The following ZFHX3 variants were observed in gnomAD, a reference collection of about 807,000 sequenced individuals.
ZFHX3 encodes the protein zinc finger homeobox protein 3.
Under a neutral mutation model 279.1 loss-of-function variants are expected in ZFHX3, and 42 were observed. That is an observed-to-expected ratio of 0.15 (90% confidence interval 0.12 to 0.19). The LOEUF (loss-of-function observed/expected upper bound fraction) is 0.19, where lower values mean the gene tolerates loss of function less well. Among genes scored for constraint, ZFHX3 ranks in the 10% least tolerant of loss-of-function variants. ZFHX3 has a pLI of 1.00. For synonymous variants in ZFHX3, 2,293 were observed against 1,957.8 expected, an observed-to-expected ratio of 1.17 and a Z score of -4.52; for missense variants, 4,981 against 4,754.0, an observed-to-expected ratio of 1.05 and a Z score of -1.40.
rs76501215 is a variant in ZFHX3 at position 73,747,687 on chromosome 16, T to C, written c.-1607-67447A>G. Among the ~76,000 whole-genome samples, 24 of 152,308 alleles carry C rather than the reference T, an allele frequency of 1.6e-4. No individual in the cohort carries two copies. The East Asian group carries it at 4.6e-3, about 29-fold the overall frequency. On this transcript the variant is annotated intron_variant, in intron 1 of 17. Transcript: ENST00000641206. Reference sequence around the variant, plus strand: ...TAAGTATAGGTATAGGTAATGTATGTATGTGTAGATATATACTTATTGTAT... The same window carrying C: ...TAAGTATAGGTATAGGTAATGTATGCATGTGTAGATATATACTTATTGTAT...
chr16:73,345,693 A>G lies in ZFHX3; in HGVS notation c.-1290-27357T>C, dbSNP rs573389602. 1.8e-4 allele frequency among the ~76,000 whole-genome samples: 28 copies of G among 152,268 alleles called. 1 individual carries two copies. In the South Asian group the frequency reaches 5.6e-3, roughly 30 times the overall value. ...CTTGGATATTGTGAGTAGTGCTGCA[A>G]TGAACATACAGTTGCATGTATCTCT... is the stretch of plus-strand genomic sequence containing the variant. On this transcript the variant is annotated intron_variant, in intron 3 of 17. Transcript: ENST00000641206.
In ZFHX3 at chr16:72,793,874, T is replaced by C; in HGVS notation, c.8808A>G (p.Lys2936=). Residue 2936 remains lysine (K), a synonymous_variant, in exon 9 of 10, where the codon AAA becomes AAG. Transcript: ENST00000268489. This position sits in a 1 kb window ranked among gnomAD's most constrained non-coding sequence, Gnocchi z 4.3. ...CAGGCCGATCTCCGCTGTCACCAGA[T>C]TTGCCTGCAGATCCACTCGCACCAG... ...PSPGASGSAG[K]SGDSGDRPGQ... 1 of 1,614,182 alleles carries C rather than the reference T, an allele frequency of 6.2e-7. No homozygotes were observed. The highest frequency in any genetic ancestry group is 8.5e-7 in the Non-Finnish European group (1 of 1,180,036).
chr16:73,516,015 T>G (rs1379575215), intron 2 of ZFHX3, among the ~76,000 whole-genome samples: 1 of 152,210 alleles, frequency 6.6e-6, no homozygotes, highest in East Asian at 1.9e-4. Context: ...TACATTTATA[T>G]TCAAAGACAG....
intron 5 of ZFHX3, among the ~76,000 whole-genome samples, chr16:73,205,913 G>C (rs2011779908): frequency 6.6e-6 from 1 of 152,158 alleles, no homozygotes; most frequent in Non-Finnish European, 1.5e-5. Flanking sequence ...ACATGATTAT[G>C]TATGCAAATG....
At chr16:72,814,652 A>G (rs2036554166) in intron 5 of ZFHX3, among the ~76,000 whole-genome samples, 1 of 151,062 alleles carries the variant, frequency 6.6e-6, no homozygotes, top group Non-Finnish European at 1.5e-5. Context: ...CTGGAATTCT[A>G]AAGCTTCTTT....
At chr16:72,956,110 G>C (rs1442931125) in intron 2 of ZFHX3, among the ~76,000 whole-genome samples, 1 of 152,156 alleles carries the variant, frequency 6.6e-6, no homozygotes, top group East Asian at 1.9e-4. Flanking sequence ...AAAGTACTAA[G>C]GATTAAAAAC....
chr16:72,866,542 G>T (rs1391746921), intron 4 of ZFHX3, among the ~76,000 whole-genome samples: 1 of 152,164 alleles, frequency 6.6e-6, no homozygotes, highest in Non-Finnish European at 1.5e-5. Context: ...CTTGACCAAG[G>T]TCACTAAGCT....
intron 1 of ZFHX3, among the ~76,000 whole-genome samples, chr16:73,037,652 T>G (rs1334339800): frequency 4.6e-5 from 7 of 151,902 alleles, no homozygotes; most frequent in Non-Finnish European, 7.4e-5. Context: ...TCCTGGAAAC[T>G]CTAGAATGCA....
At chr16:73,340,436 A>C (rs1256824055) in intron 3 of ZFHX3, among the ~76,000 whole-genome samples, 1 of 152,218 alleles carries the variant, frequency 6.6e-6, no homozygotes, top group African/African-American at 2.4e-5. Context: ...ATCATGGCTC[A>C]CCGCAGCCTT....
At chr16:73,336,950 C>T (rs1309874059) in intron 3 of ZFHX3, among the ~76,000 whole-genome samples, 1 of 152,092 alleles carries the variant, frequency 6.6e-6, no homozygotes, top group Admixed American at 6.5e-5. Context: ...CTTAATATCA[C>T]CCTCAGAAAG....
chr16:72,854,287 A>G (rs1335463224), intron 4 of ZFHX3, among the ~76,000 whole-genome samples: 2 of 152,222 alleles, frequency 1.3e-5, no homozygotes, highest in African/African-American at 2.4e-5. Context: ...GATTCGAGAC[A>G]GTGGTTAGCC....
In ZFHX3 at chr16:72,800,039, C is replaced by T; in HGVS notation, c.3955G>A (p.Gly1319Arg). ...RDGNSNLEEA[G>R]KQPETSEDLG... ...TAATGATACTGACCAGGCTGCTTTC[C>T]TGCCTCTTCCAAATTGGAATTCCCA... The change falls in exon 8 of 10, where the codon GGA becomes AGA. Residue 1319 changes from glycine (G) to arginine (R), a missense_variant. This residue lies in a region of ZFHX3 where 1,751 missense variants were observed against 1,770.0 expected (regional missense o/e 0.99). Transcript: ENST00000268489. 1 of 1,614,118 alleles carries T rather than the reference C, an allele frequency of 6.2e-7. No homozygotes were observed. Among genetic ancestry groups the T allele is most frequent in the East Asian group, 2.2e-5 (1 of 44,876 alleles).
At chr16:73,706,968 A>C (rs1230506797) in intron 1 of ZFHX3, among the ~76,000 whole-genome samples, 1 of 152,218 alleles carries the variant, frequency 6.6e-6, no homozygotes, top group African/African-American at 2.4e-5. Context: ...GTAGGAGTTT[A>C]ATATTTGTTG....
At chr16:73,767,066 G>C (rs1212190616) in intron 1 of ZFHX3, among the ~76,000 whole-genome samples, 1 of 151,776 alleles carries the variant, frequency 6.6e-6, no homozygotes, top group Non-Finnish European at 1.5e-5. Flanking sequence ...CTCCTGAGTA[G>C]CTGGGATTAC....
chr16:73,158,709 T>C (rs1055079144), intron 5 of ZFHX3, among the ~76,000 whole-genome samples: 4 of 152,134 alleles, frequency 2.6e-5, no homozygotes, highest in Non-Finnish European at 5.9e-5. Flanking sequence ...CAAAACAGCA[T>C]GGTACTGGTA....
chr16:73,138,232 C>T lies in ZFHX3; in HGVS notation c.-1024+5520G>A, dbSNP rs370563179. ...AAGCTTATGAGAGTTTGTCTGAAGACAAATTAAAACATTGCAATGTAATCA... is the reference window on the plus strand; with the variant it reads ...AAGCTTATGAGAGTTTGTCTGAAGATAAATTAAAACATTGCAATGTAATCA... On this transcript the variant is annotated intron_variant, in intron 6 of 17. Transcript: ENST00000641206. 7.0e-4 allele frequency among the ~76,000 whole-genome samples: 106 copies of T among 152,264 alleles called. 1 individual carries two copies. In the South Asian group the frequency reaches 0.02, roughly 29 times the overall value.
At chr16:72,805,275 C>G (rs1406372964) in intron 7 of ZFHX3, among the ~76,000 whole-genome samples, 1 of 152,138 alleles carries the variant, frequency 6.6e-6, no homozygotes, top group Non-Finnish European at 1.5e-5. Context: ...AGCCACTACG[C>G]CTGGCCAGCA....
chr16:73,357,771 C>T (rs577958729), intron 3 of ZFHX3, among the ~76,000 whole-genome samples: 190 of 152,118 alleles, frequency 1.2e-3, no homozygotes, highest in Non-Finnish European at 2.2e-3. Flanking sequence ...ATTCCTCTTC[C>T]GGGTCACTCT....
Position 73,851,906 on chromosome 16 carries a change from G to A in ZFHX3, c.-1608+39745C>T, listed in dbSNP as rs140685551. ...GACAGTTTTGATTGTCACAATGATA[G>A]GGGAGGTAGGGCATTAATGACATTT... On this transcript the variant is annotated intron_variant, in intron 1 of 17. Coordinates refer to the ZFHX3 transcript ENST00000641206. 5.8e-3 allele frequency among the ~76,000 whole-genome samples: 882 copies of A among 152,246 alleles called. 4 individuals carry two copies. Among genetic ancestry groups the A allele is most frequent in the South Asian group, 8.1e-3 (39 of 4,810 alleles).
Sources: allele counts gnomAD v4.1 joint callset (sites outside exome capture counted in the v4.1 genomes callset), GRCh38; gene constraint gnomAD v4.1.1; regional missense constraint gnomAD v4.1.1; non-coding constraint Gnocchi (gnomAD v3.1); transcripts MANE v1.5; gene names NCBI Gene and HGNC (gene_info 2026-07-23, HGNC 2026-07-21).